SBNO1: variants seen among roughly 807,000 people sequenced by gnomAD.
The protein encoded by SBNO1 is strawberry notch homolog 1, also known as protein strawberry notch homolog 1.
A neutral mutation model predicts 173.6 loss-of-function variants in SBNO1; 23 were observed. The ratio of observed to expected loss-of-function variants is 0.13; its 90% CI spans 0.10 to 0.19. SBNO1 has a LOEUF of 0.19. Among genes scored for constraint, SBNO1 ranks in the 10% least tolerant of loss-of-function variants. The probability of loss-of-function intolerance (pLI) is 1.00; values close to 1 mark genes in which losing one functional copy is unlikely to be tolerated. For synonymous variants in SBNO1, 632 were observed against 571.5 expected, an observed-to-expected ratio of 1.11 and a Z score of -1.51; for missense variants, 1,238 against 1,671.2, an observed-to-expected ratio of 0.74 and a Z score of 4.52.
At chr12:123,330,618 A>T in intron 8 of SBNO1, 109 bp from the exon 9 acceptor site, 1 of 585,234 alleles carries the variant, frequency 1.7e-6, no homozygotes, top group Non-Finnish European at 2.8e-6. Context: ...AAAAAAAAAG[A>T]AAAAGAAAAT....
rs569231641 is a variant in SBNO1 at position 123,299,377 on chromosome 12, G to A, written c.3846-1206C>T. ...AGTGAGACTCTGTCTCAAAAAAAAC[G>A]AAACAAAACAAAACAAAAAACTGGC... On this transcript the variant is annotated intron_variant, in intron 30 of 31. Coordinates refer to ENST00000602398, the MANE Select transcript of SBNO1 (RefSeq NM_001167856.3). Among the ~76,000 whole-genome samples, 24 of 147,034 alleles carry A rather than the reference G, an allele frequency of 1.6e-4. No homozygotes were observed. In the East Asian group the frequency reaches 4.6e-3, roughly 28 times the overall value.
In SBNO1 at chr12:123,295,802, C is replaced by T; in HGVS notation, c.*106G>A. The T allele has an allele frequency of 6.8e-7, 1 of 1,464,134 alleles. No homozygotes were observed. The highest frequency in any genetic ancestry group is 1.4e-5 in the South Asian group (1 of 70,444). The allele number at this position is 1,464,134 out of a possible 1,614,324, so 90.7% of individuals were successfully genotyped here. A position where few individuals can be genotyped will look rare whatever the true frequency, so the allele number is the denominator to read the frequency against. On this transcript the variant is annotated 3_prime_UTR_variant, in exon 32 of 32. Transcript: ENST00000602398. ...TCCCAAAAAAACTAACTAGAGAGCA[C>T]AACTGAAAAAAATATATAATTCTTT...
At position 123,293,212 on chromosome 12, in the gene SBNO1, C is replaced by T. The variant is rs2048537252; in HGVS notation, c.*2696G>A. 1 of 152,182 alleles carries T rather than the reference C, an allele frequency of 6.6e-6. No homozygotes were observed. Among genetic ancestry groups the T allele is most frequent in the Admixed American group, 6.5e-5 (1 of 15,276 alleles). The allele number at this position is 152,182 out of a possible 1,614,324, so 9.4% of individuals were successfully genotyped here. A position where few individuals can be genotyped will look rare whatever the true frequency, so the allele number is the denominator to read the frequency against. ...TCCTGCAATGAATGGACCTATTTTACAGAAGTCAGCGGCAAATTTTTTGTA... is the reference window on the plus strand; with the variant it reads ...TCCTGCAATGAATGGACCTATTTTATAGAAGTCAGCGGCAAATTTTTTGTA... On this transcript the variant is annotated 3_prime_UTR_variant, in exon 32 of 32. Transcript: ENST00000602398.
chr12:123,297,968 T>A lies in SBNO1; in HGVS notation c.4039+10A>T. The A allele has an allele frequency of 6.2e-7, 1 of 1,608,944 alleles. No homozygotes were observed. The highest frequency in any genetic ancestry group is 2.2e-5 in the East Asian group (1 of 44,852). On this transcript the variant is annotated intron_variant, in intron 31 of 31. Coordinates refer to ENST00000602398, the MANE Select transcript of SBNO1 (RefSeq NM_001167856.3). ...CCTGCAACTCAAACCAAAACAAAAA[T>A]TAGACTCACCTACAATCCGTTGCCC... is the stretch of plus-strand genomic sequence containing the variant.
intron 14 of SBNO1, among the ~76,000 whole-genome samples, chr12:123,325,810 A>C (rs927859977): frequency 1.1e-4 from 17 of 152,228 alleles, no homozygotes; most frequent in Non-Finnish European, 2.4e-4. Context: ...AGACAGTAGT[A>C]AGCATGAGTG....
chr12:123,338,546 C>T (rs1256647834), intron 5 of SBNO1, among the ~76,000 whole-genome samples: 4 of 152,026 alleles, frequency 2.6e-5, no homozygotes, highest in Non-Finnish European at 5.9e-5. Flanking sequence ...ATTAGCAGGG[C>T]GTAGTGGCGG....
intron 1 of SBNO1, among the ~76,000 whole-genome samples, chr12:123,355,431 C>T (rs1261580678): frequency 2.0e-5 from 3 of 152,056 alleles, no homozygotes; most frequent in Non-Finnish European, 4.4e-5. Flanking sequence ...CGTGGTGAAA[C>T]CGTCTCCTCT....
At chr12:123,362,133 C>T (rs1383976249) in intron 1 of SBNO1, among the ~76,000 whole-genome samples, 7 of 144,390 alleles carry the variant, frequency 4.8e-5, no homozygotes, top group Non-Finnish European at 9.1e-5. Flanking sequence ...GAGCGAGACT[C>T]CACCTCAAAA....
At chr12:123,359,572 A>G (rs1023404828) in intron 1 of SBNO1, among the ~76,000 whole-genome samples, 1 of 150,016 alleles carries the variant, frequency 6.7e-6, no homozygotes, top group Non-Finnish European at 1.5e-5. Flanking sequence ...AAAAAAAGAT[A>G]TATATATAGT....
chr12:123,337,221 C>T (rs909164923), intron 5 of SBNO1, among the ~76,000 whole-genome samples: 1 of 152,162 alleles, frequency 6.6e-6, no homozygotes, highest in African/African-American at 2.4e-5. Context: ...AGACTGTCCT[C>T]GGCAAACCAA....
rs757495813 is a variant in SBNO1, at chr12:123,304,513, G to A, written c.3768+69C>T. 2.5e-6 allele frequency: 3 copies of A among 1,204,398 alleles called. No homozygotes were observed. In the African/African-American group the frequency reaches 4.6e-5, roughly 18 times the overall value. The allele number at this position is 1,204,398 out of a possible 1,614,324, so 74.6% of individuals were successfully genotyped here. A position where few individuals can be genotyped will look rare whatever the true frequency, so the allele number is the denominator to read the frequency against. Reference sequence around the variant, plus strand: ...GGCCTCCCAAAGTGCTGAGATTACAGGTGTGAGCCACATTGCCTGGCCCAA... The same window carrying A: ...GGCCTCCCAAAGTGCTGAGATTACAAGTGTGAGCCACATTGCCTGGCCCAA... On this transcript the variant is annotated intron_variant, in intron 29 of 31. Transcript: ENST00000602398.
intron 1 of SBNO1, chr12:123,364,234 G>T: frequency 1.0e-6 from 1 of 985,596 alleles, no homozygotes; most frequent in Non-Finnish European, 1.2e-6. Context: ...TCCCTCCCTC[G>T]CCCAGAGCCG....
intron 1 of SBNO1, among the ~76,000 whole-genome samples, chr12:123,352,282 CATG>C (rs1482195526): frequency 6.6e-6 from 1 of 152,200 alleles, no homozygotes; most frequent in Non-Finnish European, 1.5e-5. Flanking sequence ...GTCAGTGTTT[CATG>C]ATGTCCTACA....
At chr12:123,296,136 A>T in intron 31 of SBNO1, 86 bp from the exon 32 acceptor site, 3 of 816,756 alleles carry the variant, frequency 3.7e-6, no homozygotes, top group African/African-American at 1.7e-5. Context: ...ATGAGGCATA[A>T]TATTAAGCGT....
At chr12:123,321,282 T>A (rs552848535) in intron 17 of SBNO1, among the ~76,000 whole-genome samples, 1 of 152,138 alleles carries the variant, frequency 6.6e-6, no homozygotes, top group Non-Finnish European at 1.5e-5. Context: ...ACCACCTACA[T>A]TGGTTCATCC....
intron 6 of SBNO1, among the ~76,000 whole-genome samples, chr12:123,335,274 AC>A (rs978203452): frequency 6.6e-6 from 1 of 152,146 alleles, no homozygotes; most frequent in Non-Finnish European, 1.5e-5. Flanking sequence ...CCCCATCTCT[AC>A]TAAAAATACA....
In SBNO1 at chr12:123,320,455, C is replaced by T. The variant is rs1869824415; in HGVS notation, c.2644G>A (p.Gly882Ser). Residue 882 changes from glycine to serine, a missense_variant, in exon 19 of 32, where the codon GGT (glycine) becomes AGT (serine). By Grantham distance (56) the Gly-to-Ser change is moderately conservative. Around this residue, in one of 14 missense-constraint regions of SBNO1, gnomAD observed 45 missense variants for 85.5 expected, o/e 0.53. Transcript: ENST00000602398. ...NTLDELIDEL[G>S]GPENVAEMTG... ...ACCTCAGCAACGTTCTCAGGGCCAC[C>T]AAGTTCATCGATAAGTTCATCCAGG... 6.2e-7 allele frequency: 1 copy of T among 1,613,292 alleles called. No homozygotes were observed. Among genetic ancestry groups the T allele is most frequent in the African/African-American group, 1.3e-5 (1 of 74,868 alleles).
At chr12:123,296,846 A>C (rs1189462858) in intron 31 of SBNO1, among the ~76,000 whole-genome samples, 3 of 148,608 alleles carry the variant, frequency 2.0e-5, no homozygotes, top group African/African-American at 7.4e-5. Flanking sequence ...GGTGTGAGCC[A>C]CCGTGCCCGG....
At chr12:123,356,151 T>C (rs891200941) in intron 1 of SBNO1, among the ~76,000 whole-genome samples, 3 of 152,148 alleles carry the variant, frequency 2.0e-5, no homozygotes, top group Non-Finnish European at 2.9e-5. Flanking sequence ...ACTGGCTGCA[T>C]TGCCCACTAG....
Sources: allele counts gnomAD v4.1 joint callset (sites outside exome capture counted in the v4.1 genomes callset), GRCh38; gene constraint gnomAD v4.1.1; regional missense constraint gnomAD v4.1.1; transcripts MANE v1.5; gene names NCBI Gene and HGNC (gene_info 2026-07-23, HGNC 2026-07-21).